The following AGPS variants were observed in gnomAD, a reference collection of about 807,000 sequenced individuals.
The protein encoded by AGPS is alkylglycerone phosphate synthase.
Under a neutral mutation model 90.7 loss-of-function variants are expected in AGPS, and 26 were observed. The ratio of observed to expected loss-of-function variants is 0.29; its 90% CI spans 0.21 to 0.40. AGPS has a LOEUF of 0.40. Among genes scored for constraint, AGPS ranks in the 10% least tolerant of loss-of-function variants. The pLI, the probability that AGPS is intolerant of heterozygous loss-of-function variation, is 1.00. For synonymous variants in AGPS, 294 were observed against 285.3 expected (o/e 1.03, Z -0.31); for missense variants, 540 against 816.1 (o/e 0.66, Z 4.12).
At chr2:177,398,074 G>A (rs1156843258) in intron 1 of AGPS, among the ~76,000 whole-genome samples, 5 of 152,066 alleles carry the variant, frequency 3.3e-5, no homozygotes, top group African/African-American at 4.8e-5. Flanking sequence ...AACATCTGCC[G>A]GAAGCTTTGG....
chr2:177,448,890 A>G (rs4893826), intron 8 of AGPS, among the ~76,000 whole-genome samples: 131,841 of 152,152 alleles, frequency 0.87, 57,331 homozygotes, highest in East Asian at 0.98. Context: ...TTTCTGTCAC[A>G]TAGATTTGCT....
chr2:177,438,680 ATTAATTCAATAAT>A (rs1290203380), intron 5 of AGPS, among the ~76,000 whole-genome samples: 5 of 152,062 alleles, frequency 3.3e-5, no homozygotes, highest in African/African-American at 1.2e-4. Context: ...CCGTTGGGAG[ATTAATTCAATAAT>A]CCTTTTGCCA....
chr2:177,447,222 C>A (rs1223455940), intron 8 of AGPS, among the ~76,000 whole-genome samples: 1 of 151,894 alleles, frequency 6.6e-6, no homozygotes, highest in East Asian at 1.9e-4. Flanking sequence ...CATTGATCTG[C>A]TCCTGACCAT....
chr2:177,463,334 A>C (rs913168251), intron 9 of AGPS, among the ~76,000 whole-genome samples: 3 of 152,206 alleles, frequency 2.0e-5, no homozygotes, highest in African/African-American at 7.2e-5. Context: ...TATTGTGAGG[A>C]GTAAAGGACA....
At chr2:177,445,722 C>A in intron 8 of AGPS, 96 bp downstream of exon 8, 1 of 811,918 alleles carries the variant, frequency 1.2e-6, no homozygotes, top group South Asian at 1.9e-5. Flanking sequence ...ACTGTATCCC[C>A]TCTATGAATG....
At chr2:177,500,984 G>T (rs1353539715) in intron 14 of AGPS, among the ~76,000 whole-genome samples, 2 of 152,060 alleles carry the variant, frequency 1.3e-5, no homozygotes, top group Non-Finnish European at 2.9e-5. Context: ...CTAAGTTATA[G>T]GGAGTACGTA....
At position 177,543,466 on chromosome 2, in the gene AGPS, A is replaced by G. The variant is rs1431693084; in HGVS notation, c.*5271A>G. ...AATATCTTATCCTGAGTCTTCCTCC[A>G]AGGCAGTACATATTCCTGCCAGGAC... On this transcript the variant is annotated 3_prime_UTR_variant, in exon 20 of 20. Coordinates refer to ENST00000264167, the MANE Select transcript of AGPS (RefSeq NM_003659.4). 1.3e-5 allele frequency: 2 copies of G among 152,234 alleles called. No homozygotes were observed. 9.4% of individuals were successfully genotyped at this position (152,234 alleles called of 1,614,324 possible).
At chr2:177,477,138 A>C (rs1687803922) in intron 10 of AGPS, among the ~76,000 whole-genome samples, 1 of 151,874 alleles carries the variant, frequency 6.6e-6, no homozygotes, top group Non-Finnish European at 1.5e-5. Flanking sequence ...ATTCACATTT[A>C]ATGTTATTAT....
intron 5 of AGPS, 66 bp from the exon 6 acceptor site, chr2:177,440,899 A>C: frequency 1.4e-6 from 2 of 1,384,624 alleles, no homozygotes; most frequent in Non-Finnish European, 2.1e-6. Flanking sequence ...GTAGGTTCTT[A>C]TTTGCCAAGG....
At chr2:177,436,398 T>A (rs1427412606) in intron 3 of AGPS, among the ~76,000 whole-genome samples, 1 of 152,120 alleles carries the variant, frequency 6.6e-6, no homozygotes, top group Non-Finnish European at 1.5e-5. Flanking sequence ...GATCTGCCCT[T>A]CTTGGCCTCC....
chr2:177,409,253 A>G (rs1473094161), intron 1 of AGPS, among the ~76,000 whole-genome samples: 2 of 151,922 alleles, frequency 1.3e-5, no homozygotes, highest in Non-Finnish European at 2.9e-5. Context: ...CACAATTGCA[A>G]GATTTAAGAG....
chr2:177,437,174 AAG>A, intron 5 of AGPS, 120 bp downstream of exon 5: 1 of 962,122 alleles, frequency 1.0e-6, no homozygotes, highest in East Asian at 2.5e-5. Context: ...CTGTATTTTT[AAG>A]AGAGTTTACA....
rs1217590074 is a variant in AGPS at position 177,392,786 on chromosome 2, A to G, written c.-4A>G. 6 of 1,488,608 alleles carry G rather than the reference A, an allele frequency of 4.0e-6. No homozygotes were observed. Among genetic ancestry groups the G allele is most frequent in the Non-Finnish European group, 5.3e-6 (6 of 1,133,064 alleles). 92.2% of individuals were successfully genotyped at this position (1,488,608 alleles called of 1,614,324 possible). On this transcript the variant is annotated 5_prime_UTR_variant, in exon 1 of 20. Coordinates refer to ENST00000264167, the MANE Select transcript of AGPS (RefSeq NM_003659.4). ...GTTCCGGGCGGCAGCACAAGGCGGTAGCCATGGCGGAGGCGGCGGCTGCAG... is the reference window on the plus strand; with the variant it reads ...GTTCCGGGCGGCAGCACAAGGCGGTGGCCATGGCGGAGGCGGCGGCTGCAG...
intron 1 of AGPS, chr2:177,393,330 C>T (rs942237356): frequency 1.0e-5 from 10 of 985,240 alleles, no homozygotes; most frequent in Non-Finnish European, 1.1e-5. Flanking sequence ...TTTTCCTGAG[C>T]TTTTAGTGCC....
chr2:177,406,121 A>G (rs1389595278), intron 1 of AGPS, among the ~76,000 whole-genome samples: 1 of 151,952 alleles, frequency 6.6e-6, no homozygotes, highest in Non-Finnish European at 1.5e-5. Context: ...AGTCAGATGG[A>G]CTCTATTATC....
chr2:177,402,588 T>G, intron 1 of AGPS, among the ~76,000 whole-genome samples: 1 of 152,194 alleles, frequency 6.6e-6, no homozygotes, highest in East Asian at 1.9e-4. Flanking sequence ...TTTTGAGAAC[T>G]GGGGAAGCAT....
intron 13 of AGPS, among the ~76,000 whole-genome samples, chr2:177,498,252 A>G (rs1688465080): frequency 6.6e-6 from 1 of 151,788 alleles, no homozygotes. Flanking sequence ...TGAAGCTCCA[A>G]TGAGACTGAA....
rs554472146 is a variant in AGPS, at chr2:177,436,245, G to C, written c.442-519G>C. 6.4e-4 allele frequency among the ~76,000 whole-genome samples: 90 copies of C among 139,706 alleles called. No homozygotes were observed. In the Middle Eastern group the frequency reaches 0.013, roughly 20 times the overall value. 91.7% of individuals were successfully genotyped at this position (139,706 alleles called of 152,430 possible). A position where few individuals can be genotyped will look rare whatever the true frequency, so the allele number is the denominator to read the frequency against. On this transcript the variant is annotated intron_variant, in intron 3 of 19. Transcript: ENST00000264167. Reference sequence around the variant, plus strand: ...CGGCTCACTGCAAGCTCTGCCTCCCGGGTTCATGCCATTCTCCTGCCTCAG... The same window carrying C: ...CGGCTCACTGCAAGCTCTGCCTCCCCGGTTCATGCCATTCTCCTGCCTCAG...
chr2:177,484,462 G>C (rs1688036786), intron 11 of AGPS, among the ~76,000 whole-genome samples: 1 of 151,570 alleles, frequency 6.6e-6, no homozygotes, highest in African/African-American at 2.4e-5. Flanking sequence ...TCTTGCCTCA[G>C]CCTCCCGAGT....
Sources: allele counts gnomAD v4.1 joint callset (sites outside exome capture counted in the v4.1 genomes callset), GRCh38; gene constraint gnomAD v4.1.1; transcripts MANE v1.5; gene names NCBI Gene and HGNC (gene_info 2026-07-23, HGNC 2026-07-21).